The following PLPPR3 variants were observed in gnomAD, a reference collection of about 807,000 sequenced individuals.
PLPPR3 encodes the protein phospholipid phosphatase related 3, also known as phospholipid phosphatase-related protein type 3.
A neutral mutation model predicts 27.3 loss-of-function variants in PLPPR3; 14 were observed. The observed-to-expected ratio is 0.51, with a 90% CI of 0.34 to 0.80. The LOEUF (loss-of-function observed/expected upper bound fraction) is 0.80, where lower values mean the gene tolerates loss of function less well. PLPPR3 is among the 30% of genes least tolerant of loss of function. The pLI is 0.01. For missense variants in PLPPR3, 1,287 were observed against 1,056.9 expected (o/e 1.22, Z -3.02); for synonymous variants, 671 against 508.0 (o/e 1.32, Z -4.32).
upstream of PLPPR3, among the ~76,000 whole-genome samples, chr19:823,066 C>T (rs181980674): frequency 0.012 from 1,783 of 151,694 alleles, 35 homozygotes; most frequent in African/African-American, 0.04. Context: ...TTGCAGTGAG[C>T]CGAGATCGTG....
chr19:821,282 C>G (rs1037027507), intron 2 of PLPPR3, among the ~76,000 whole-genome samples: 4 of 151,084 alleles, frequency 2.6e-5, no homozygotes, highest in Admixed American at 1.3e-4. Flanking sequence ...CCTGGACCCC[C>G]CTCGGTTCCT....
Position 812,614 on chromosome 19 carries a change from C to T in PLPPR3, c.2113G>A (p.Glu705Lys). 8.9e-7 allele frequency: 1 copy of T among 1,118,890 alleles called. No individual in the cohort carries two copies. Among genetic ancestry groups the T allele is most frequent in the South Asian group, 2.0e-5 (1 of 49,734 alleles). The allele number at this position is 1,118,890 out of a possible 1,614,324, so 69.3% of individuals were successfully genotyped here. The change falls in exon 8 of 8, where the codon GAG (glutamate) becomes AAG (lysine). Residue 705 changes from glutamate (E) to lysine (K), a missense_variant. Glu to Lys is a moderately conservative substitution (Grantham distance 56). Coordinates refer to ENST00000520876, the MANE Select transcript of PLPPR3 (RefSeq NM_001270366.2). The part of the protein sequence containing the change: ...LAEREAEAEA[E>K]GYFRKMQARR... ...GCCTGCATCTTGCGGAAGTAGCCCT[C>T]GGCCTCCGCCTCCGCCTCGCGCTCC...
At chr19:818,683 G>A (rs184978907) in intron 2 of PLPPR3, among the ~76,000 whole-genome samples, 1 of 151,268 alleles carries the variant, frequency 6.6e-6, no homozygotes, top group Non-Finnish European at 1.5e-5. Context: ...ACAGGCGCCC[G>A]CCACCGCGCC....
intron 2 of PLPPR3, among the ~76,000 whole-genome samples, chr19:816,378 A>G (rs1290157051): frequency 4.0e-5 from 2 of 50,074 alleles, no homozygotes; most frequent in Non-Finnish European, 7.2e-5. Context: ...CCATTCATCC[A>G]TCCATCCACC....
upstream of PLPPR3, among the ~76,000 whole-genome samples, chr19:822,777 C>G (rs920041575): frequency 6.6e-6 from 1 of 152,166 alleles, no homozygotes; most frequent in African/African-American, 2.4e-5. Context: ...GCTTGGGCAC[C>G]CTGGGTCGCA....
chr19:812,819 G>A lies in PLPPR3; in HGVS notation c.1908C>T (p.Gly636=). The A allele has an allele frequency of 1.8e-6, 2 of 1,105,762 alleles. No homozygotes were observed. The highest frequency in any genetic ancestry group is 7.2e-5 in the South Asian group (2 of 27,928). 68.5% of individuals were successfully genotyped at this position (1,105,762 alleles called of 1,614,324 possible). Residue 636 remains glycine (G), a synonymous_variant, in exon 8 of 8, where the codon GGC becomes GGT. Coordinates refer to ENST00000520876, the MANE Select transcript of PLPPR3 (RefSeq NM_001270366.2). ...CGCTGACCGACGAGCCGGGGGACACGCCCGGGGGCTTGGCCCCGCCGCGGA... is the reference window on the plus strand; with the variant it reads ...CGCTGACCGACGAGCCGGGGGACACACCCGGGGGCTTGGCCCCGCCGCGGA... ...RGFRGGAKPP[G]VSPGSSVSDV...
rs1051653589 is a variant in PLPPR3 at position 812,594 on chromosome 19, C to T, written c.2133G>A (p.Met711Ile). The T allele has an allele frequency of 5.0e-5, 55 of 1,106,658 alleles. No individual in the cohort carries two copies. In the African/African-American group the frequency reaches 5.0e-4, roughly 10 times the overall value. The allele number at this position is 1,106,658 out of a possible 1,614,324, so 68.6% of individuals were successfully genotyped here. ...EAEAEGYFRK[M>I]QARRFPD is the part of the protein sequence containing the mutation. ...GCTAGTCGGGGAAGCGGCGCGCCTG[C>T]ATCTTGCGGAAGTAGCCCTCGGCCT... Residue 711 changes from methionine to isoleucine, a missense_variant, in exon 8 of 8, where the codon ATG (methionine) becomes ATA (isoleucine). Transcript: ENST00000520876.
chr19:816,868 C>G (rs1446434521), intron 2 of PLPPR3, among the ~76,000 whole-genome samples: 4 of 151,788 alleles, frequency 2.6e-5, no homozygotes, highest in Non-Finnish European at 5.9e-5. Context: ...CATCCATCAT[C>G]CACCCATGCA....
At position 821,562 on chromosome 19, in the gene PLPPR3, T is replaced by TGCCGCGGGC; in HGVS notation, c.-12_-4dup. 1 of 1,439,514 alleles carries TGCCGCGGGC rather than the reference T, an allele frequency of 6.9e-7. No individual in the cohort carries two copies. The allele number at this position is 1,439,514 out of a possible 1,614,324, so 89.2% of individuals were successfully genotyped here. On this transcript the variant is annotated 5_prime_UTR_variant, in exon 2 of 8. Coordinates refer to ENST00000520876, the MANE Select transcript of PLPPR3 (RefSeq NM_001270366.2). ...TTCTTCTCCTTGGTGGAGATCATGG[T>TGCCGCGGGC]GCCGCGGGCGCCGCAGGCCGTGGCT...
At chr19:815,640 G>T in intron 3 of PLPPR3, 26 bp downstream of exon 3, 1 of 1,554,148 alleles carries the variant, frequency 6.4e-7, no homozygotes, top group Non-Finnish European at 8.7e-7. Context: ...CCACAGGCTG[G>T]CACAGGCCCC....
At position 814,463 on chromosome 19, in the gene PLPPR3, G is replaced by C; in HGVS notation, c.802C>G (p.Leu268Val). 6 of 1,606,252 alleles carry C rather than the reference G, an allele frequency of 3.7e-6. No individual in the cohort carries two copies. The highest frequency in any genetic ancestry group is 5.1e-6 in the Non-Finnish European group (6 of 1,177,898). The change falls in exon 7 of 8, where the codon CTC (leucine) becomes GTC (valine). Residue 268 changes from leucine (L) to valine (V), a missense_variant. Leu to Val is a conservative substitution (Grantham distance 32). Coordinates refer to ENST00000520876, the MANE Select transcript of PLPPR3 (RefSeq NM_001270366.2). Reference protein sequence around the residue: ...SHPVDVYAGFLIGAGIAAYLA... With the variant: ...SHPVDVYAGFVIGAGIAAYLA... The stretch of plus-strand genomic sequence containing the variant: ...TAGGCAGCGATGCCCGCCCCGATGA[G>C]GAAGCCGGCATACACGTCCACAGGG...
chr19:812,583 C>A lies in PLPPR3; in HGVS notation c.2144G>T (p.Arg715Leu). Residue 715 changes from arginine (R) to leucine (L), a missense_variant, in exon 8 of 8, where the codon CGC becomes CTC. By Grantham distance (102) the Arg-to-Leu change is moderately radical. Transcript: ENST00000520876. ...GGCCCCGCCGCGCTAGTCGGGGAAG[C>A]GGCGCGCCTGCATCTTGCGGAAGTA... ...EGYFRKMQAR[R>L]FPD is the part of the protein sequence containing the mutation. 9.3e-7 allele frequency: 1 copy of A among 1,072,786 alleles called. No individual in the cohort carries two copies. Among genetic ancestry groups the A allele is most frequent in the South Asian group, 2.4e-5 (1 of 41,332 alleles). The allele number at this position is 1,072,786 out of a possible 1,614,324, so 66.5% of individuals were successfully genotyped here.
chr19:812,628 G>A lies in PLPPR3; in HGVS notation c.2099C>T (p.Ala700Val). The change falls in exon 8 of 8, where the codon GCG becomes GTG. Residue 700 changes from alanine to valine, a missense_variant. By Grantham distance (64) the Ala-to-Val change is moderately conservative. Transcript: ENST00000520876. Reference protein sequence around the residue: ...AGGLGLAEREAEAEAEGYFRK... With the variant: ...AGGLGLAEREVEAEAEGYFRK... ...GAAGTAGCCCTCGGCCTCCGCCTCC[G>A]CCTCGCGCTCCGCCAGCCCCAGGCC... 4 of 1,098,456 alleles carry A rather than the reference G, an allele frequency of 3.6e-6. No individual in the cohort carries two copies. Among genetic ancestry groups the A allele is most frequent in the South Asian group, 2.1e-5 (1 of 46,616 alleles). 68.0% of individuals were successfully genotyped at this position (1,098,456 alleles called of 1,614,324 possible).
Position 813,667 on chromosome 19 carries a change from CGCTGGCGCGCTTCAG to C in PLPPR3, c.1045_1059del (p.Leu349_Ser353del). 6.5e-7 allele frequency: 1 copy of C among 1,534,812 alleles called. No individual in the cohort carries two copies. The highest frequency in any genetic ancestry group is 8.7e-7 in the Non-Finnish European group (1 of 1,144,774). On this transcript the variant is annotated inframe_deletion, in exon 8 of 8. Coordinates refer to ENST00000520876, the MANE Select transcript of PLPPR3 (RefSeq NM_001270366.2). This position sits in a 1 kb window ranked among gnomAD's most constrained non-coding sequence, Gnocchi z 4.1. Reference sequence around the variant, plus strand: ...CGCGGGGCCAGCAGGTCCACGTCCACGCTGGCGCGCTTCAGGCTGCCCAGCGAGGTCTTCTCGCGG... The same window carrying C: ...CGCGGGGCCAGCAGGTCCACGTCCACGCTGCCCAGCGAGGTCTTCTCGCGG...
At chr19:822,240 C>T (rs921409063), upstream of PLPPR3, among the ~76,000 whole-genome samples, 59 of 151,838 alleles carry the variant, frequency 3.9e-4, no homozygotes, top group Non-Finnish European at 6.8e-4. Flanking sequence ...GTCCCGTCCT[C>T]CCCTCCCGGG....
At chr19:817,822 A>G (rs537496677) in intron 2 of PLPPR3, among the ~76,000 whole-genome samples, 47 of 152,238 alleles carry the variant, frequency 3.1e-4, no homozygotes, top group African/African-American at 1.1e-3. Flanking sequence ...GTTTGTTTGC[A>G]CCTGACACCC....
At chr19:818,018 T>C (rs907132560) in intron 2 of PLPPR3, among the ~76,000 whole-genome samples, 6 of 151,928 alleles carry the variant, frequency 3.9e-5, no homozygotes, top group African/African-American at 1.5e-4. Context: ...TCAGCATGAT[T>C]TTGCTGGGGC....
chr19:814,216 C>A (rs371719241), intron 7 of PLPPR3, among the ~76,000 whole-genome samples: 1 of 150,350 alleles, frequency 6.7e-6, no homozygotes, highest in African/African-American at 2.5e-5. Flanking sequence ...GCACCCATGC[C>A]TCCCCCCTCA....
Position 812,581 on chromosome 19 carries a change from A to G in PLPPR3, c.2146T>C (p.Phe716Leu). 1 of 987,606 alleles carries G rather than the reference A, an allele frequency of 1.0e-6. No homozygotes were observed. Among genetic ancestry groups the G allele is most frequent in the Non-Finnish European group, 1.2e-6 (1 of 812,590 alleles). 61.2% of individuals were successfully genotyped at this position (987,606 alleles called of 1,614,324 possible). A position where few individuals can be genotyped will look rare whatever the true frequency, so the allele number is the denominator to read the frequency against. Residue 716 changes from phenylalanine (F) to leucine (L), a missense_variant, in exon 8 of 8, where the codon TTC becomes CTC. Coordinates refer to ENST00000520876, the MANE Select transcript of PLPPR3 (RefSeq NM_001270366.2). ...CCGGCCCCGCCGCGCTAGTCGGGGA[A>G]GCGGCGCGCCTGCATCTTGCGGAAG... The part of the protein sequence containing the change: ...GYFRKMQARR[F>L]PD
Sources: gnomAD v4.1 joint callset for allele counts (sites outside exome capture counted in the v4.1 genomes callset) on GRCh38, gnomAD v4.1.1 for gene constraint, Gnocchi (gnomAD v3.1) non-coding constraint, MANE v1.5 for transcripts, NCBI Gene and HGNC (gene_info 2026-07-23, HGNC 2026-07-21) for gene names.